Variants in REEP2 observed in about 807,000 individuals in gnomAD.
REEP2 encodes the protein receptor accessory protein 2.
In REEP2, 9 loss-of-function variants were observed where a neutral mutation model predicts 32.1. The ratio of observed to expected loss-of-function variants is 0.28; its 90% CI spans 0.17 to 0.49. The LOEUF is 0.49. Among genes scored for constraint, REEP2 ranks in the 20% least tolerant of loss-of-function variants. The pLI is 0.99. For missense variants in REEP2, 236 were observed against 338.0 expected (o/e 0.70, Z 2.37); for synonymous variants, 128 against 139.1 (o/e 0.92, Z 0.56).
chr5:138,444,664 G>T lies in REEP2; in HGVS notation c.304-90G>T, dbSNP rs536886312. The T allele has an allele frequency of 1.4e-4, 226 of 1,559,612 alleles. 2 individuals carry two copies. In the Middle Eastern group the frequency reaches 9.0e-3, roughly 62 times the overall value. ...AAAGTGACTTGGCAGGGCTGCCGTG[G>T]CCTCCCGGAGCAGGCAGGGGCCTCT... is the stretch of plus-strand genomic sequence containing the variant. On this transcript the variant is annotated intron_variant, in intron 4 of 7. Transcript: ENST00000378339.
At chr5:138,444,619 C>G in intron 4 of REEP2, 84 bp downstream of exon 4, 1 of 1,576,154 alleles carries the variant, frequency 6.3e-7, no homozygotes, top group Non-Finnish European at 8.7e-7. Context: ...GACTGGCCCT[C>G]CCTGTGGGGC....
At position 138,441,544 on chromosome 5, in the gene REEP2, C is replaced by A; in HGVS notation, c.182+83C>A. On this transcript the variant is annotated intron_variant, in intron 3 of 7. Transcript: ENST00000378339. The surrounding 1 kb of genome is among the most constrained non-coding windows in gnomAD (Gnocchi z 4.4). ...CCAGCCAGCCAAACAAAAGACTGGG[C>A]CTGGGGGTGAAGCTCCTCCCATTCC... The A allele has an allele frequency of 8.2e-7, 1 of 1,217,666 alleles. No homozygotes were observed. The highest frequency in any genetic ancestry group is 1.2e-6 in the Non-Finnish European group (1 of 824,294). The allele number at this position is 1,217,666 out of a possible 1,614,324, so 75.4% of individuals were successfully genotyped here. A position where few individuals can be genotyped will look rare whatever the true frequency, so the allele number is the denominator to read the frequency against.
rs753890446 is a variant in REEP2, at chr5:138,439,194, G to GCGCCCGGCCC, written c.-10_-1dup. 8.1e-6 allele frequency: 11 copies of GCGCCCGGCCC among 1,361,052 alleles called. No homozygotes were observed. Among genetic ancestry groups the GCGCCCGGCCC allele is most frequent in the Non-Finnish European group, 1.0e-5 (11 of 1,058,912 alleles). 84.3% of individuals were successfully genotyped at this position (1,361,052 alleles called of 1,614,324 possible). ...CCGGGCCGGGTCCCCGCCCCGCGCC[G>GCGCCCGGCCC]CGCCCGGCCCCGCCATGGTGTCCTG... On this transcript the variant is annotated 5_prime_UTR_variant, in exon 1 of 8. Transcript: ENST00000378339.
chr5:138,445,231 C>A lies in REEP2; in HGVS notation c.421C>A (p.Gln141Lys). 2 of 1,604,940 alleles carry A rather than the reference C, an allele frequency of 1.2e-6. No individual in the cohort carries two copies. Among genetic ancestry groups the A allele is most frequent in the South Asian group, 2.2e-5 (2 of 89,778 alleles). ...CGGTGCGTGGTGGTGACCCTAGGGC[C>A]AGGGGGTGCTGTCAGAGAAGCTCCG... ...NAAVTAAAKG[Q>K]GVLSEKLRSF... is the part of the protein sequence containing the mutation. The change falls in exon 6 of 8, where the codon CAG (glutamine) becomes AAG (lysine). Residue 141 changes from glutamine to lysine, a missense_variant. Gln to Lys is a moderately conservative substitution (Grantham distance 53, BLOSUM62 1). Transcript: ENST00000378339.
Position 138,445,711 on chromosome 5 carries a change from G to C in REEP2, c.725G>C (p.Arg242Pro), listed in dbSNP as rs751669446. The C allele has an allele frequency of 5.0e-6, 8 of 1,613,984 alleles. No individual in the cohort carries two copies. The highest frequency in any genetic ancestry group is 1.7e-6 in the Non-Finnish European group (2 of 1,180,010). Residue 242 changes from arginine (R) to proline (P), a missense_variant, in exon 8 of 8, where the codon CGG becomes CCG. Arg to Pro is a moderately radical substitution (Grantham distance 103). Coordinates refer to ENST00000378339, the MANE Select transcript of REEP2 (RefSeq NM_001271803.2). ...CTGGCTTCCAAGACACTGAAGACCC[G>C]GCCCAAGAAGAAGACCTCTGGCGGG... ...EPLASKTLKT[R>P]PKKKTSGGGD...
At chr5:138,445,086 C>T in intron 5 of REEP2, 142 bp from the exon 6 acceptor site, 1 of 1,004,608 alleles carries the variant, frequency 1.0e-6, no homozygotes, top group Non-Finnish European at 1.5e-6. Flanking sequence ...CCTGCCCCAG[C>T]CCTCAGCTCT....
chr5:138,446,666 C>T lies in REEP2; in HGVS notation c.*915C>T. 6.5e-6 allele frequency: 1 copy of T among 153,136 alleles called. No individual in the cohort carries two copies. 9.5% of individuals were successfully genotyped at this position (153,136 alleles called of 1,614,324 possible). On this transcript the variant is annotated 3_prime_UTR_variant, in exon 8 of 8. Coordinates refer to ENST00000378339, the MANE Select transcript of REEP2 (RefSeq NM_001271803.2). ...CTCCCGTGCTCCTCAGGGCCCACCC[C>T]TGCTCTGTCTGGTACAGGCCCCTGC...
Position 138,445,554 on chromosome 5 carries a change from G to T in REEP2, c.652G>T (p.Ala218Ser), listed in dbSNP as rs543885371. 1 of 1,614,178 alleles carries T rather than the reference G, an allele frequency of 6.2e-7. No individual in the cohort carries two copies. Among genetic ancestry groups the T allele is most frequent in the Admixed American group, 1.7e-5 (1 of 60,024 alleles). Residue 218 changes from alanine to serine, a missense_variant, in exon 7 of 8, where the codon GCT becomes TCT. Transcript: ENST00000378339. ...TTCTGAGGATGACATGGGAGACAAAGCTCCCAAGAGGGCCAAACCCATCAA... is the reference window on the plus strand; with the variant it reads ...TTCTGAGGATGACATGGGAGACAAATCTCCCAAGAGGGCCAAACCCATCAA... ...EASEDDMGDK[A>S]PKRAKPIKKA...
At chr5:138,440,188 C>T (rs1283891882) in intron 1 of REEP2, among the ~76,000 whole-genome samples, 2 of 152,198 alleles carry the variant, frequency 1.3e-5, no homozygotes, top group African/African-American at 4.8e-5. Context: ...TGGGGACTGA[C>T]ACCGGCAGCC....
chr5:138,439,263 G>T (rs1215003319), intron 1 of REEP2, 23 bp downstream of exon 1: 4 of 1,422,428 alleles, frequency 2.8e-6, no homozygotes, highest in African/African-American at 3.0e-5. Flanking sequence ...GCGGCGGGGG[G>T]TGATGCGGGC....
chr5:138,439,161 A>G lies in REEP2; in HGVS notation c.-48A>G. ...CCGCCGCTCGGCCTCAGGCAGCTGC[A>G]TCCTCGGCCGGGCCGGGTCCCCGCC... On this transcript the variant is annotated 5_prime_UTR_variant, in exon 1 of 8. Coordinates refer to ENST00000378339, the MANE Select transcript of REEP2 (RefSeq NM_001271803.2). The G allele has an allele frequency of 7.7e-7, 1 of 1,303,958 alleles. No individual in the cohort carries two copies. 80.8% of individuals were successfully genotyped at this position (1,303,958 alleles called of 1,614,324 possible). A position where few individuals can be genotyped will look rare whatever the true frequency, so the allele number is the denominator to read the frequency against.
chr5:138,442,475 G>A (rs1251959199), intron 3 of REEP2, among the ~76,000 whole-genome samples: 1 of 152,080 alleles, frequency 6.6e-6, no homozygotes, highest in African/African-American at 2.4e-5. Context: ...CACTTTGGGA[G>A]GCCAAGGCAG....
rs572922484 is a variant in REEP2 at position 138,441,753 on chromosome 5, C to T, written c.182+292C>T. On this transcript the variant is annotated intron_variant, in intron 3 of 7. Transcript: ENST00000378339. The surrounding 1 kb of genome is among the most constrained non-coding windows in gnomAD (Gnocchi z 4.4). Reference sequence around the variant, plus strand: ...CAGCCTGGCCAACATGGTGAAACCCCGTCTCCACTAAAAATACAAAAAAAA... The same window carrying T: ...CAGCCTGGCCAACATGGTGAAACCCTGTCTCCACTAAAAATACAAAAAAAA... 2.0e-5 allele frequency among the ~76,000 whole-genome samples: 3 copies of T among 151,964 alleles called. No homozygotes were observed. The highest frequency in any genetic ancestry group is 2.1e-4 in the South Asian group (1 of 4,808).
In REEP2 at chr5:138,441,528, C is replaced by A; in HGVS notation, c.182+67C>A. 7.1e-7 allele frequency: 1 copy of A among 1,400,976 alleles called. No homozygotes were observed. The highest frequency in any genetic ancestry group is 1.0e-6 in the Non-Finnish European group (1 of 987,394). The allele number at this position is 1,400,976 out of a possible 1,614,324, so 86.8% of individuals were successfully genotyped here. ...CTCTGCCTTTCTCTACCCAGCCAGC[C>A]AAACAAAAGACTGGGCCTGGGGGTG... is the stretch of plus-strand genomic sequence containing the variant. On this transcript the variant is annotated intron_variant, in intron 3 of 7. Coordinates refer to ENST00000378339, the MANE Select transcript of REEP2 (RefSeq NM_001271803.2). The surrounding 1 kb of genome is among the most constrained non-coding windows in gnomAD (Gnocchi z 4.4).
At chr5:138,439,792 G>C (rs1490978523) in intron 1 of REEP2, 1 of 455,846 alleles carries the variant, frequency 2.2e-6, no homozygotes, top group South Asian at 1.5e-5. Flanking sequence ...CTGGGTATCG[G>C]GAAGCAGAAA....
Position 138,446,002 on chromosome 5 carries a change from G to A in REEP2, c.*251G>A, listed in dbSNP as rs1561808199. The A allele has an allele frequency of 5.7e-6, 3 of 528,630 alleles. No individual in the cohort carries two copies. The Admixed American group carries it at 1.0e-4, about 18-fold the overall frequency. The allele number at this position is 528,630 out of a possible 1,614,324, so 32.7% of individuals were successfully genotyped here. On this transcript the variant is annotated 3_prime_UTR_variant, in exon 8 of 8. Coordinates refer to ENST00000378339, the MANE Select transcript of REEP2 (RefSeq NM_001271803.2). ...GAGGACTGAGCCACCCAAGGAGGTG[G>A]GGACTGCTCGGCCTCCACCGCTGTT...
chr5:138,445,895 T>C lies in REEP2; in HGVS notation c.*144T>C. 1 of 748,888 alleles carries C rather than the reference T, an allele frequency of 1.3e-6. No individual in the cohort carries two copies. The highest frequency in any genetic ancestry group is 2.2e-6 in the Non-Finnish European group (1 of 459,868). The allele number at this position is 748,888 out of a possible 1,614,324, so 46.4% of individuals were successfully genotyped here. On this transcript the variant is annotated 3_prime_UTR_variant, in exon 8 of 8. Coordinates refer to ENST00000378339, the MANE Select transcript of REEP2 (RefSeq NM_001271803.2). ...ATGGCCATTTCCGGTGCCTGCCCAG[T>C]GGCCACTCTTCTGGAAGGGGCTTGG...
chr5:138,441,587 C>G lies in REEP2; in HGVS notation c.182+126C>G. On this transcript the variant is annotated intron_variant, in intron 3 of 7. Coordinates refer to ENST00000378339, the MANE Select transcript of REEP2 (RefSeq NM_001271803.2). The surrounding 1 kb of genome is among the most constrained non-coding windows in gnomAD (Gnocchi z 4.4). ...CCCATTCCTGACAATTTCATGGGGTCCTTGATATCTCCCCTCTCATGCCTA... is the reference window on the plus strand; with the variant it reads ...CCCATTCCTGACAATTTCATGGGGTGCTTGATATCTCCCCTCTCATGCCTA... 1 of 760,026 alleles carries G rather than the reference C, an allele frequency of 1.3e-6. No individual in the cohort carries two copies. 47.1% of individuals were successfully genotyped at this position (760,026 alleles called of 1,614,324 possible).
Position 138,441,581 on chromosome 5 carries a change from T to G in REEP2, c.182+120T>G. On this transcript the variant is annotated intron_variant, in intron 3 of 7. Coordinates refer to ENST00000378339, the MANE Select transcript of REEP2 (RefSeq NM_001271803.2). The surrounding 1 kb of genome is among the most constrained non-coding windows in gnomAD (Gnocchi z 4.4). ...GCTCCTCCCATTCCTGACAATTTCATGGGGTCCTTGATATCTCCCCTCTCA... is the reference window on the plus strand; with the variant it reads ...GCTCCTCCCATTCCTGACAATTTCAGGGGGTCCTTGATATCTCCCCTCTCA... 1.3e-6 allele frequency: 1 copy of G among 799,924 alleles called. No individual in the cohort carries two copies. Among genetic ancestry groups the G allele is most frequent in the East Asian group, 2.6e-5 (1 of 38,698 alleles). 49.6% of individuals were successfully genotyped at this position (799,924 alleles called of 1,614,324 possible). A position where few individuals can be genotyped will look rare whatever the true frequency, so the allele number is the denominator to read the frequency against.
Sources: allele counts gnomAD v4.1 joint callset (sites outside exome capture counted in the v4.1 genomes callset), GRCh38; gene constraint gnomAD v4.1.1; non-coding constraint Gnocchi (gnomAD v3.1); transcripts MANE v1.5; gene names NCBI Gene and HGNC (gene_info 2026-07-23, HGNC 2026-07-21).